The following MXRA5 variants were observed in gnomAD, a reference collection of about 807,000 sequenced individuals.
MXRA5 encodes the protein matrix remodeling associated 5, also known as matrix-remodeling-associated protein 5.
Under a neutral mutation model 112.5 loss-of-function variants are expected in MXRA5, and 41 were observed. The ratio of observed to expected loss-of-function variants is 0.36; its 90% CI spans 0.28 to 0.47. MXRA5 has a LOEUF of 0.47. Among genes scored for constraint, MXRA5 ranks in the 20% least tolerant of loss-of-function variants. MXRA5 has a pLI of 0.99. For missense variants in MXRA5, 2,150 were observed against 2,251.0 expected (o/e 0.96, Z 0.91); for synonymous variants, 862 against 900.8 (o/e 0.96, Z 0.77).
In MXRA5 at chrX:3,310,808, GTCAA is replaced by G. The variant is rs1569180212; in HGVS notation, c.7391_7394del (p.Ile2464ThrfsTer44). On this transcript the variant is annotated frameshift_variant, in exon 7 of 7. Coordinates refer to ENST00000217939, the MANE Select transcript of MXRA5 (RefSeq NM_015419.4). LOFTEE classifies it high-confidence loss of function. ...GGGTGGGGATGCCTTCAGCTTTGCA[GTCAA>G]TCAGTTTCCGACTGCCCCCGGCTGC... The G allele has an allele frequency of 8.3e-7, 1 of 1,209,143 alleles. No individual in the cohort carries two copies. The highest frequency in any genetic ancestry group is 1.1e-6 in the Non-Finnish European group (1 of 894,499).
Position 3,309,387 on chromosome X carries a change from C to T in MXRA5, c.*329G>A, listed in dbSNP as rs915199699. 2 of 239,715 alleles carry T rather than the reference C, an allele frequency of 8.3e-6. No homozygotes were observed. The highest frequency in any genetic ancestry group is 5.6e-5 in the African/African-American group (2 of 35,795). 19.8% of individuals were successfully genotyped at this position (239,715 alleles called of 1,213,427 possible). On this transcript the variant is annotated 3_prime_UTR_variant, in exon 7 of 7. Transcript: ENST00000217939. The stretch of plus-strand genomic sequence containing the variant: ...TGGCTTATTTTTGATGAATGTTCCT[C>T]AGATATCCTATGGACGCTTATGAAG...
At chrX:3,314,080 G>A (rs754922272) in intron 6 of MXRA5, among the ~76,000 whole-genome samples, 3 of 112,282 alleles carry the variant, frequency 2.7e-5, no homozygotes, top group Non-Finnish European at 5.6e-5. Flanking sequence ...TTTCCTGCTC[G>A]AGCTACTGAG....
chrX:3,332,716 CAT>C (rs1375764611), intron 2 of MXRA5, among the ~76,000 whole-genome samples: 4 of 111,999 alleles, frequency 3.6e-5, no homozygotes, highest in African/African-American at 9.7e-5. Context: ...AATGAACAAT[CAT>C]ATATAGTGGT....
intron 2 of MXRA5, among the ~76,000 whole-genome samples, chrX:3,340,141 T>C (rs898036907): frequency 9.0e-6 from 1 of 110,754 alleles, no homozygotes; most frequent in Admixed American, 9.6e-5. Flanking sequence ...AAAGCAATTT[T>C]CAGAAACGCT....
chrX:3,332,346 G>A (rs1460985836), intron 2 of MXRA5, among the ~76,000 whole-genome samples: 4 of 110,650 alleles, frequency 3.6e-5, no homozygotes, highest in African/African-American at 6.6e-5. Context: ...CCAGGTTCAC[G>A]CCATTCTCCT....
In MXRA5 at chrX:3,321,842, A is replaced by C. The variant is rs753562393; in HGVS notation, c.3843T>G (p.Thr1281=). ...AAGGGCCCTCAGTTTTCAGAGAAAC[A>C]GTTCTAGGCAAAAGTATAGTTTCTG... ...PSSETILLPR[T]VSLKTEGPYD... Residue 1281 remains threonine (T), a synonymous_variant, in exon 5 of 7, where the codon ACT becomes ACG. Transcript: ENST00000217939. 3 of 1,211,256 alleles carry C rather than the reference A, an allele frequency of 2.5e-6. No homozygotes were observed. Among genetic ancestry groups the C allele is most frequent in the Admixed American group, 2.2e-5 (1 of 45,985 alleles).
Position 3,343,840 on chromosome X carries a change from G to C in MXRA5, c.-7C>G, listed in dbSNP as rs749383387. On this transcript the variant is annotated 5_prime_UTR_variant, in exon 2 of 7. Coordinates refer to ENST00000217939, the MANE Select transcript of MXRA5 (RefSeq NM_015419.4). ...AGTGCGCGCGCTTGGGCATCTTGTC[G>C]GGGTGCCTGATTCTCGGATACCTGA... 15 of 1,194,351 alleles carry C rather than the reference G, an allele frequency of 1.3e-5. No individual in the cohort carries two copies. Among genetic ancestry groups the C allele is most frequent in the South Asian group, 7.2e-5 (4 of 55,210 alleles).
chrX:3,329,319 A>AGAAGGAAGGAATGAAGGAAAAGAGAAG, intron 4 of MXRA5, among the ~76,000 whole-genome samples: 1 of 88,485 alleles, frequency 1.1e-5, no homozygotes, highest in East Asian at 4.0e-4. Context: ...GAAGGAAAAA[A>AGAAGGAAGGAATGAAGGAAAAGAGAAG]GAAGGAAGGA....
At chrX:3,313,146 T>A (rs1254006236) in intron 6 of MXRA5, among the ~76,000 whole-genome samples, 1 of 112,601 alleles carries the variant, frequency 8.9e-6, no homozygotes. Context: ...GAGGCTTCCA[T>A]TAACAGTGAC....
At chrX:3,344,636 TA>T (rs1922064621) in intron 1 of MXRA5, among the ~76,000 whole-genome samples, 2 of 112,139 alleles carry the variant, frequency 1.8e-5, no homozygotes, top group South Asian at 7.5e-4. Flanking sequence ...CTACTTCATT[TA>T]GAATGGCGGT....
In MXRA5 at chrX:3,322,407, A is replaced by G. The variant is rs1378156723; in HGVS notation, c.3278T>C (p.Ile1093Thr). The G allele has an allele frequency of 8.3e-7, 1 of 1,209,411 alleles. No individual in the cohort carries two copies. The highest frequency in any genetic ancestry group is 1.1e-6 in the Non-Finnish European group (1 of 895,086). ...SESEGQESKS[I>T]TLPDSTLGIM... ...ACCCAGTGTGGAGTCAGGCAAAGTG[A>G]TGGATTTGCTCTCTTGGCCCTCACT... The change falls in exon 5 of 7, where the codon ATC becomes ACC. Residue 1093 changes from isoleucine to threonine, a missense_variant. Transcript: ENST00000217939.
At chrX:3,313,924 A>G (rs183909969) in intron 6 of MXRA5, among the ~76,000 whole-genome samples, 129 of 112,099 alleles carry the variant, frequency 1.2e-3, no homozygotes, top group Non-Finnish European at 2.2e-3. Flanking sequence ...CCAGCCATCT[A>G]AAGTATAAAA....
chrX:3,322,641 G>A lies in MXRA5; in HGVS notation c.3044C>T (p.Ser1015Leu). The A allele has an allele frequency of 8.3e-7, 1 of 1,211,470 alleles. No individual in the cohort carries two copies. Among genetic ancestry groups the A allele is most frequent in the Non-Finnish European group, 1.1e-6 (1 of 895,242 alleles). Residue 1015 changes from serine to leucine, a missense_variant, in exon 5 of 7, where the codon TCA (serine) becomes TTA (leucine). Physicochemically the swap from Ser to Leu is moderately radical, Grantham distance 145. Around this residue, in one of 6 missense-constraint regions of MXRA5, gnomAD observed 1,485 missense variants for 1,471.6 expected, o/e 1.01. Transcript: ENST00000217939. ...PTIWVNDSST[S>L]QLFEDSTIGE... ...TATAGTAGAATCCTCAAATAACTGT[G>A]ATGTACTGGAGTCATTAACCCAGAT...
At chrX:3,319,910 T>C (rs749031060) in intron 5 of MXRA5, 98 bp downstream of exon 5, 1 of 634,486 alleles carries the variant, frequency 1.6e-6, no homozygotes, top group South Asian at 4.1e-5. Context: ...CTAATGTGTT[T>C]ATGTTGTTCA....
intron 2 of MXRA5, among the ~76,000 whole-genome samples, chrX:3,331,993 A>G (rs1456643226): frequency 8.9e-6 from 1 of 112,178 alleles, no homozygotes; most frequent in Admixed American, 9.5e-5. Flanking sequence ...ACATAAGTGA[A>G]CAGCTCATAG....
At chrX:3,341,675 TTA>T (rs1219163330) in intron 2 of MXRA5, among the ~76,000 whole-genome samples, 1 of 76,981 alleles carries the variant, frequency 1.3e-5, no homozygotes, top group African/African-American at 4.7e-5. Flanking sequence ...ACATTATATA[TTA>T]TATATATTAT....
In MXRA5 at chrX:3,317,724, A is replaced by T. The variant is rs749819276; in HGVS notation, c.5957T>A (p.Phe1986Tyr). The change falls in exon 6 of 7, where the codon TTC (phenylalanine) becomes TAC (tyrosine). Residue 1986 changes from phenylalanine (F) to tyrosine (Y), a missense_variant. Phe to Tyr is a conservative substitution (Grantham distance 22). Transcript: ENST00000217939. ...AGTTTGCCACACCCTCCTGTCAGGG[A>T]AGATCCAGGAAATTTGGGGGGCTGG... ...GTPAPQISWI[F>Y]PDRRVWQTVS... is the part of the protein sequence containing the mutation. 30 of 1,205,984 alleles carry T rather than the reference A, an allele frequency of 2.5e-5. No individual in the cohort carries two copies. The highest frequency in any genetic ancestry group is 3.4e-5 in the Non-Finnish European group (30 of 892,063).
chrX:3,322,909 T>A lies in MXRA5; in HGVS notation c.2776A>T (p.Thr926Ser). 1 of 1,211,730 alleles carries A rather than the reference T, an allele frequency of 8.3e-7. No individual in the cohort carries two copies. Residue 926 changes from threonine (T) to serine (S), a missense_variant, in exon 5 of 7, where the codon ACA becomes TCA. Around this residue, in one of 6 missense-constraint regions of MXRA5, gnomAD observed 1,485 missense variants for 1,471.6 expected, o/e 1.01. Coordinates refer to ENST00000217939, the MANE Select transcript of MXRA5 (RefSeq NM_015419.4). ...EPYEPSPTLH[T>S]LDTVYEKPTH... ...GGCTTTTCATAGACTGTGTCTAATG[T>A]GTGCAGAGTAGGAGATGGTTCATAA...
intron 2 of MXRA5, among the ~76,000 whole-genome samples, chrX:3,339,546 A>G (rs1603468254): frequency 1.8e-5 from 2 of 111,411 alleles, no homozygotes; most frequent in South Asian, 7.6e-4. Context: ...GATTACAGGC[A>G]TGAGCCACCG....
Sources: gnomAD v4.1 joint callset for allele counts (sites outside exome capture counted in the v4.1 genomes callset) on GRCh38, gnomAD v4.1.1 for gene constraint, gnomAD v4.1.1 regional missense constraint, MANE v1.5 for transcripts, NCBI Gene and HGNC (gene_info 2026-07-23, HGNC 2026-07-21) for gene names.